OCSTAMP: variants seen among roughly 807,000 people sequenced by gnomAD.
The protein encoded by OCSTAMP is transmembrane protein C20orf123.
A neutral mutation model predicts 25.2 loss-of-function variants in OCSTAMP; 17 were observed. The ratio of observed to expected loss-of-function variants is 0.68; its 90% confidence interval spans 0.46 to 1.01. OCSTAMP has a LOEUF of 1.01. OCSTAMP is among the 50% of genes least tolerant of loss of function. The pLI is 0.00. For synonymous variants in OCSTAMP, 345 were observed against 318.9 expected, an observed-to-expected ratio of 1.08 and a Z score of -0.87; for missense variants, 664 against 694.6, an observed-to-expected ratio of 0.96 and a Z score of 0.50.
At chr20:46,548,084 G>C (rs1291253404) in intron 1 of OCSTAMP, among the ~76,000 whole-genome samples, 3 of 152,188 alleles carry the variant, frequency 2.0e-5, no homozygotes, top group African/African-American at 4.8e-5. Flanking sequence ...CCTGTGAAAA[G>C]TATCCTCTGA....
Position 46,545,858 on chromosome 20 carries a change from C to G in OCSTAMP, c.516G>C (p.Arg172Ser). 1 of 1,551,348 alleles carries G rather than the reference C, an allele frequency of 6.4e-7. No homozygotes were observed. ...NTTHQLHAASRALGPTGQAGS... is the reference protein window; with the variant it reads ...NTTHQLHAASSALGPTGQAGS... ...CTGCCTGGCCTGTGGGGCCCAGAGC[C>G]CTGGATGCTGCATGCAGCTGGTGAG... The change falls in exon 2 of 3, where the codon AGG (arginine) becomes AGC (serine). Residue 172 changes from arginine (R) to serine (S), a missense_variant. By Grantham distance (110) the Arg-to-Ser change is moderately radical. Coordinates refer to ENST00000279028, the MANE Select transcript of OCSTAMP (RefSeq NM_080721.3).
rs1321515916 is a variant in OCSTAMP at position 46,541,128 on chromosome 20, A to G, written c.*146T>C. 1 of 607,096 alleles carries G rather than the reference A, an allele frequency of 1.6e-6. No homozygotes were observed. The highest frequency in any genetic ancestry group is 3.0e-6 in the Non-Finnish European group (1 of 334,552). 37.6% of individuals were successfully genotyped at this position (607,096 alleles called of 1,614,324 possible). A position where few individuals can be genotyped will look rare whatever the true frequency, so the allele number is the denominator to read the frequency against. On this transcript the variant is annotated 3_prime_UTR_variant, in exon 3 of 3. Coordinates refer to ENST00000279028, the MANE Select transcript of OCSTAMP (RefSeq NM_080721.3). ...AGGCATATAAATAAGTTCCAGGAGC[A>G]TTTCGAGAAATTCATGATGCAAGGT...
At position 46,545,564 on chromosome 20, in the gene OCSTAMP, G is replaced by A; in HGVS notation, c.810C>T (p.Ala270=). 2 of 1,551,646 alleles carry A rather than the reference G, an allele frequency of 1.3e-6. No homozygotes were observed. Among genetic ancestry groups the A allele is most frequent in the Non-Finnish European group, 8.7e-7 (1 of 1,146,984 alleles). The change falls in exon 2 of 3, where the codon GCC becomes GCT. Residue 270 remains alanine (A), a synonymous_variant. Transcript: ENST00000279028. ...TQQLTQRLAQ[A]QATHLLAPPP... Reference sequence around the variant, plus strand: ...GAGGGGCCAGGAGGTGTGTAGCCTGGGCCTGTGCCAACCGCTGGGTCAGCT... The same window carrying A: ...GAGGGGCCAGGAGGTGTGTAGCCTGAGCCTGTGCCAACCGCTGGGTCAGCT...
At chr20:46,546,911 T>C (rs1339221453) in intron 1 of OCSTAMP, among the ~76,000 whole-genome samples, 1 of 152,164 alleles carries the variant, frequency 6.6e-6, no homozygotes, top group Non-Finnish European at 1.5e-5. Context: ...GCAACGACTT[T>C]GTGTTAACCA....
At chr20:46,546,566 A>G (rs1164853004) in intron 1 of OCSTAMP, among the ~76,000 whole-genome samples, 1 of 152,216 alleles carries the variant, frequency 6.6e-6, no homozygotes, top group African/African-American at 2.4e-5. Flanking sequence ...CCCAATTCCC[A>G]TGCAGTACCT....
chr20:46,547,898 A>C (rs1346147839), intron 1 of OCSTAMP, among the ~76,000 whole-genome samples: 4 of 152,156 alleles, frequency 2.6e-5, no homozygotes, highest in Non-Finnish European at 1.5e-5. Flanking sequence ...AGACATTGAC[A>C]AAGGGGAGAC....
intron 2 of OCSTAMP, among the ~76,000 whole-genome samples, chr20:46,544,044 A>T (rs1402336890): frequency 1.3e-5 from 2 of 151,974 alleles, no homozygotes; most frequent in Non-Finnish European, 2.9e-5. Flanking sequence ...CACCATCTCT[A>T]AAAAAAATAT....
chr20:46,550,166 A>G (rs960802665), intron 1 of OCSTAMP, among the ~76,000 whole-genome samples: 6 of 152,184 alleles, frequency 3.9e-5, no homozygotes, highest in African/African-American at 1.4e-4. Flanking sequence ...AATAAAAACA[A>G]TTTTAAGGAT....
At chr20:46,549,130 G>A (rs991231471) in intron 1 of OCSTAMP, among the ~76,000 whole-genome samples, 3 of 152,182 alleles carry the variant, frequency 2.0e-5, no homozygotes, top group African/African-American at 7.2e-5. Context: ...TACAGGCAGT[G>A]TAAGATCAAT....
chr20:46,549,359 C>A (rs980162479), intron 1 of OCSTAMP, among the ~76,000 whole-genome samples: 56 of 152,328 alleles, frequency 3.7e-4, no homozygotes, highest in African/African-American at 1.3e-3. Context: ...TCTGTGCTGA[C>A]CCCTGTGGAC....
At chr20:46,543,804 T>C (rs1377849298) in intron 2 of OCSTAMP, among the ~76,000 whole-genome samples, 2 of 152,214 alleles carry the variant, frequency 1.3e-5, no homozygotes, top group Non-Finnish European at 2.9e-5. Flanking sequence ...CATAAAGTAA[T>C]GGTGTGACTT....
chr20:46,543,515 G>A (rs1273217271), intron 2 of OCSTAMP, among the ~76,000 whole-genome samples: 1 of 151,780 alleles, frequency 6.6e-6, no homozygotes, highest in East Asian at 1.9e-4. Context: ...TTTCAGTAGA[G>A]ATGGGGTTTC....
intron 2 of OCSTAMP, among the ~76,000 whole-genome samples, chr20:46,542,969 G>A (rs1568896876): frequency 6.6e-6 from 1 of 152,214 alleles, no homozygotes; most frequent in Non-Finnish European, 1.5e-5. Flanking sequence ...CTTGCTGAGT[G>A]AGGGCCCGCA....
intron 2 of OCSTAMP, 127 bp downstream of exon 2, chr20:46,545,200 C>T: frequency 9.8e-7 from 1 of 1,021,994 alleles, no homozygotes. Context: ...GGTATGGGGC[C>T]CCATGGATGA....
At position 46,546,084 on chromosome 20, in the gene OCSTAMP, C is replaced by T. The variant is rs896937772; in HGVS notation, c.290G>A (p.Gly97Asp). ...VCGLLVFLSL[G>D]LVPPVRCLFA... Reference sequence around the variant, plus strand: ...CAGGCAGCGGACTGGGGGTACCAGGCCCAGGCTCAGGAAGACCAGGAGGCC... The same window carrying T: ...CAGGCAGCGGACTGGGGGTACCAGGTCCAGGCTCAGGAAGACCAGGAGGCC... The change falls in exon 2 of 3, where the codon GGC becomes GAC. Residue 97 changes from glycine to aspartate, a missense_variant. Physicochemically the swap from Gly to Asp is moderately conservative, Grantham distance 94. Transcript: ENST00000279028. The T allele has an allele frequency of 5.8e-6, 9 of 1,551,514 alleles. No individual in the cohort carries two copies. In the African/African-American group the frequency reaches 9.6e-5, roughly 17 times the overall value.
intron 1 of OCSTAMP, among the ~76,000 whole-genome samples, chr20:46,549,085 A>G (rs868252485): frequency 5.3e-5 from 8 of 152,324 alleles, no homozygotes; most frequent in South Asian, 2.1e-4. Context: ...GCCGAAATCT[A>G]TGCCGGACCA....
chr20:46,543,887 AT>A (rs1480631092), intron 2 of OCSTAMP, among the ~76,000 whole-genome samples: 1 of 152,118 alleles, frequency 6.6e-6, no homozygotes, highest in East Asian at 1.9e-4. Context: ...TGCCTGACAC[AT>A]TTCTTTACTG....
rs1170754290 is a variant in OCSTAMP at position 46,550,620 on chromosome 20, G to A, written c.-60C>T. On this transcript the variant is annotated 5_prime_UTR_variant, in exon 1 of 3. Transcript: ENST00000279028. ...CGCTGGCAGCTGTGGCAGGTGGAGA[G>A]GAAGTGGGGGAATCGCTGGGACTTG... The A allele has an allele frequency of 1.4e-6, 2 of 1,467,068 alleles. No individual in the cohort carries two copies. Among genetic ancestry groups the A allele is most frequent in the African/African-American group, 2.8e-5 (2 of 71,438 alleles). 90.9% of individuals were successfully genotyped at this position (1,467,068 alleles called of 1,614,324 possible).
intron 2 of OCSTAMP, among the ~76,000 whole-genome samples, chr20:46,544,565 C>A (rs200492926): frequency 6.6e-6 from 1 of 152,012 alleles, no homozygotes; most frequent in Non-Finnish European, 1.5e-5. Context: ...TAAAAAGATC[C>A]GTGGCAAAAG....
Sources: gnomAD v4.1 joint callset for allele counts (sites outside exome capture counted in the v4.1 genomes callset) on GRCh38, gnomAD v4.1.1 for gene constraint, MANE v1.5 for transcripts, NCBI Gene and HGNC (gene_info 2026-07-23, HGNC 2026-07-21) for gene names.